CACNB2: variants seen among roughly 807,000 people sequenced by gnomAD.
CACNB2 encodes voltage-dependent L-type calcium channel subunit beta-2.
Under a neutral mutation model 73.3 loss-of-function variants are expected in CACNB2, and 42 were observed. That is an observed-to-expected ratio of 0.57 (90% CI 0.45 to 0.74). CACNB2 has a LOEUF of 0.74. Among genes scored for constraint, CACNB2 ranks in the 30% least tolerant of loss-of-function variants. The pLI, the probability that CACNB2 is intolerant of heterozygous loss-of-function variation, is 0.00. For missense variants in CACNB2, 940 were observed against 853.0 expected (o/e 1.10, Z -1.27); for synonymous variants, 348 against 310.3 (o/e 1.12, Z -1.28).
chr10:18,529,394 G>A (rs1380365289), intron 10 of CACNB2, among the ~76,000 whole-genome samples: 1 of 152,218 alleles, frequency 6.6e-6, no homozygotes, highest in African/African-American at 2.4e-5. Flanking sequence ...GGAGCTGGGT[G>A]TAGCCATAAG....
At chr10:18,184,393 A>G (rs2034042415) in intron 2 of CACNB2, among the ~76,000 whole-genome samples, 1 of 152,196 alleles carries the variant, frequency 6.6e-6, no homozygotes, top group South Asian at 2.1e-4. Context: ...AATTATTGTG[A>G]AGATGGTACA....
chr10:18,203,872 A>G (rs1364879260), intron 2 of CACNB2, among the ~76,000 whole-genome samples: 1 of 152,178 alleles, frequency 6.6e-6, no homozygotes, highest in Non-Finnish European at 1.5e-5. Flanking sequence ...ATTTTTCACA[A>G]TCCATGTTTC....
At chr10:18,419,249 A>T (rs1459124628) in intron 3 of CACNB2, among the ~76,000 whole-genome samples, 1 of 152,226 alleles carries the variant, frequency 6.6e-6, no homozygotes, top group East Asian at 1.9e-4. Context: ...AATAGGTCAC[A>T]TAATGGATAT....
At chr10:18,394,940 T>C (rs1192320340) in intron 2 of CACNB2, among the ~76,000 whole-genome samples, 1 of 152,170 alleles carries the variant, frequency 6.6e-6, no homozygotes, top group Non-Finnish European at 1.5e-5. Context: ...GGAGACATCA[T>C]GTTTCCAGTA....
rs549551438 is a variant in CACNB2, at chr10:18,476,849, C to A, written c.334-21506C>A. Among the ~76,000 whole-genome samples the A allele has an allele frequency of 1.4e-4, 22 of 152,102 alleles. 1 individual carries two copies. In the South Asian group the frequency reaches 4.1e-3, roughly 29 times the overall value. ...CCAACATGGTGAAACTCCGTCTCTA[C>A]CAAAAATATTTATTTAAAAAACTAG... On this transcript the variant is annotated intron_variant, in intron 3 of 13. Coordinates refer to ENST00000324631, the MANE Select transcript of CACNB2 (RefSeq NM_201596.3).
chr10:18,506,626 G>T (rs189773039), intron 6 of CACNB2, 79 bp downstream of exon 6: 70 of 885,826 alleles, frequency 7.9e-5, no homozygotes, highest in Non-Finnish European at 1.3e-4. Context: ...GTGAATTTAC[G>T]TATACACTGA....
Position 18,522,877 on chromosome 10 carries a change from CAAAAAAAAAAAAAAAA to C in CACNB2, c.944+3930_944+3945del, listed in dbSNP as rs10528720. Reference sequence around the variant, plus strand: ...TGGGAAACAGAGTGAGACTCTGTCTCAAAAAAAAAAAAAAAAAAAAAAAAAAAAAAAAAAAAGTGAT... The same window carrying C: ...TGGGAAACAGAGTGAGACTCTGTCTCAAAAAAAAAAAAAAAAAAAAGTGAT... On this transcript the variant is annotated intron_variant, in intron 9 of 13. Coordinates refer to ENST00000324631, the MANE Select transcript of CACNB2 (RefSeq NM_201596.3). Among the ~76,000 whole-genome samples, 392 of 77,818 alleles carry C rather than the reference CAAAAAAAAAAAAAAAA, an allele frequency of 5.0e-3. 3 individuals are homozygous for C. Among genetic ancestry groups the C allele is most frequent in the African/African-American group, 0.017 (318 of 18,504 alleles). 51.1% of individuals were successfully genotyped at this position (77,818 alleles called of 152,430 possible). A position where few individuals can be genotyped will look rare whatever the true frequency, so the allele number is the denominator to read the frequency against.
chr10:18,260,617 C>T (rs1278945033), intron 2 of CACNB2: 2 of 986,944 alleles, frequency 2.0e-6, no homozygotes, highest in East Asian at 1.1e-4. Flanking sequence ...CGAGTCTAGA[C>T]TCAGTCATTT....
rs1208376191 is a variant in CACNB2, at chr10:18,454,068, A to T, written c.334-44287A>T. On this transcript the variant is annotated intron_variant, in intron 3 of 13. Coordinates refer to ENST00000324631, the MANE Select transcript of CACNB2 (RefSeq NM_201596.3). Reference sequence around the variant, plus strand: ...ACAATAGGTATTGTATAAATAATGAATGAATGAAGACAGTCTCTATTCTCT... The same window carrying T: ...ACAATAGGTATTGTATAAATAATGATTGAATGAAGACAGTCTCTATTCTCT... Among the ~76,000 whole-genome samples, 6 of 152,194 alleles carry T rather than the reference A, an allele frequency of 3.9e-5. No homozygotes were observed. The South Asian group carries it at 1.2e-3, about 32-fold the overall frequency.
rs76306051 is a variant in CACNB2, at chr10:18,236,360, C to A, written c.213+85385C>A. Among the ~76,000 whole-genome samples the A allele has an allele frequency of 2.0e-5, 3 of 152,280 alleles. No individual in the cohort carries two copies. In the South Asian group the frequency reaches 6.2e-4, roughly 32 times the overall value. On this transcript the variant is annotated intron_variant, in intron 2 of 13. Transcript: ENST00000324631. ...AATGGCAGGAAAGGGCGCAAGCCCACAGTATGGACATCTCTGTATTGATGG... is the reference window on the plus strand; with the variant it reads ...AATGGCAGGAAAGGGCGCAAGCCCAAAGTATGGACATCTCTGTATTGATGG...
chr10:18,414,737 G>A (rs1457782471), intron 3 of CACNB2, among the ~76,000 whole-genome samples: 1 of 151,268 alleles, frequency 6.6e-6, no homozygotes, highest in South Asian at 2.1e-4. Context: ...ACCATAAATA[G>A]ATTAAGGAAG....
chr10:18,497,941 GATTA>G (rs1007581166), intron 3 of CACNB2, among the ~76,000 whole-genome samples: 22 of 152,230 alleles, frequency 1.4e-4, no homozygotes, highest in African/African-American at 4.8e-4. Context: ...TGTCTTTAAT[GATTA>G]ATTAATTAAA....
intron 6 of CACNB2, among the ~76,000 whole-genome samples, chr10:18,511,683 A>C (rs1468224127): frequency 6.6e-6 from 1 of 152,188 alleles, no homozygotes; most frequent in Admixed American, 6.5e-5. Flanking sequence ...TCTTAACCGT[A>C]GAATAATTTT....
chr10:18,477,082 AG>A, intron 3 of CACNB2, among the ~76,000 whole-genome samples: 1 of 151,946 alleles, frequency 6.6e-6, no homozygotes, highest in South Asian at 2.1e-4. Flanking sequence ...GGTATTGCAA[AG>A]GGCGTAGCCT....
intron 2 of CACNB2, among the ~76,000 whole-genome samples, chr10:18,187,639 A>G (rs961825472): frequency 6.6e-6 from 1 of 152,126 alleles, no homozygotes; most frequent in African/African-American, 2.4e-5. Flanking sequence ...TAACTGTATT[A>G]TACACCATGG....
At chr10:18,423,153 T>TGTTTTAC (rs2045419393) in intron 3 of CACNB2, among the ~76,000 whole-genome samples, 1 of 39,944 alleles carries the variant, frequency 2.5e-5, no homozygotes, top group African/African-American at 9.9e-5. Context: ...ACCTGTTTTA[T>TGTTTTAC]GGGGTTATGT....
chr10:18,530,499 G>T (rs1332808388), intron 10 of CACNB2, among the ~76,000 whole-genome samples: 2 of 105,472 alleles, frequency 1.9e-5, no homozygotes, highest in Non-Finnish European at 3.8e-5. Flanking sequence ...TAAAATGCAA[G>T]AAGTACAAAA....
intron 7 of CACNB2, chr10:18,514,969 TA>T: frequency 6.2e-7 from 1 of 1,606,986 alleles, no homozygotes; most frequent in Non-Finnish European, 8.5e-7. Context: ...TTTAAACTTC[TA>T]ATCCACTAGG....
intron 4 of CACNB2, chr10:18,498,685 C>T (rs2049988041): frequency 1.1e-5 from 6 of 557,686 alleles, no homozygotes; most frequent in Non-Finnish European, 1.6e-5. Flanking sequence ...CTTGCAATAA[C>T]TTCAGCGCTC....
Sources: gnomAD v4.1 joint callset for allele counts (sites outside exome capture counted in the v4.1 genomes callset) on GRCh38, gnomAD v4.1.1 for gene constraint, MANE v1.5 for transcripts, NCBI Gene and HGNC (gene_info 2026-07-23, HGNC 2026-07-21) for gene names.